Variants in RNLS observed in about 807,000 individuals in gnomAD.
The protein encoded by RNLS is renalase, FAD dependent amine oxidase.
A neutral mutation model predicts 39.8 loss-of-function variants in RNLS; 39 were observed. The ratio of observed to expected loss-of-function variants is 0.98; its 90% CI spans 0.76 to 1.28. The LOEUF (loss-of-function observed/expected upper bound fraction) is 1.28. Ranked by LOEUF, RNLS falls within the 50% of genes most tolerant of loss-of-function variation. The pLI is 0.00. For missense variants in RNLS, 410 were observed against 413.3 expected, an observed-to-expected ratio of 0.99 and a Z score of 0.07; for synonymous variants, 147 against 150.7, an observed-to-expected ratio of 0.98 and a Z score of 0.18.
At chr10:88,478,724 C>T (rs904950947) in intron 4 of RNLS, among the ~76,000 whole-genome samples, 1 of 152,150 alleles carries the variant, frequency 6.6e-6, no homozygotes, top group Non-Finnish European at 1.5e-5. Context: ...ATACTCTGTA[C>T]CATTTTCTGG....
At chr10:88,443,994 T>G (rs189539182) in intron 4 of RNLS, among the ~76,000 whole-genome samples, 130 of 152,294 alleles carry the variant, frequency 8.5e-4, no homozygotes, top group African/African-American at 2.9e-3. Flanking sequence ...AGAATGGAGT[T>G]TGAGATGTGA....
chr10:88,187,186 TA>T, the RNLS span, among the ~76,000 whole-genome samples: 1,079 of 10,734 alleles, frequency 0.1, 47 homozygotes, highest in African/African-American at 0.26. Flanking sequence ...ATAATATATA[TA>T]ATATATATAA....
chr10:88,396,684 G>A, intron 4 of RNLS, among the ~76,000 whole-genome samples: 1 of 135,736 alleles, frequency 7.4e-6, no homozygotes. Flanking sequence ...CTGATTTAAG[G>A]CTTAGTTTGG....
chr10:88,482,174 T>C (rs1482307859), intron 4 of RNLS, among the ~76,000 whole-genome samples: 1 of 152,188 alleles, frequency 6.6e-6, no homozygotes, highest in Non-Finnish European at 1.5e-5. Context: ...GGGTTTCTTG[T>C]ATCTGTAATG....
chr10:88,564,614 C>T (rs1849393930), intron 4 of RNLS, among the ~76,000 whole-genome samples: 1 of 152,068 alleles, frequency 6.6e-6, no homozygotes, highest in Non-Finnish European at 1.5e-5. Context: ...GCTCTGGAGT[C>T]ATTTTACTGA....
chr10:88,242,987 G>T, the RNLS span, among the ~76,000 whole-genome samples: 2 of 150,326 alleles, frequency 1.3e-5, no homozygotes, highest in Non-Finnish European at 2.9e-5. Context: ...ACCCATAAGG[G>T]AGTGAGGAAA....
intron 3 of RNLS, among the ~76,000 whole-genome samples, chr10:88,575,511 C>T (rs1246862870): frequency 6.6e-6 from 1 of 151,800 alleles, no homozygotes; most frequent in Non-Finnish European, 1.5e-5. Flanking sequence ...ACACCACTGG[C>T]AAAACCACCC....
intron 4 of RNLS, among the ~76,000 whole-genome samples, chr10:88,571,016 C>G (rs1849798094): frequency 7.1e-6 from 1 of 141,338 alleles, no homozygotes; most frequent in African/African-American, 2.6e-5. Context: ...CAAGGTCTTG[C>G]TCTGTCACCC....
At chr10:88,382,627 T>A (rs991232164) in intron 4 of RNLS, among the ~76,000 whole-genome samples, 2 of 152,106 alleles carry the variant, frequency 1.3e-5, no homozygotes, top group Non-Finnish European at 2.9e-5. Flanking sequence ...TATTAGCTTT[T>A]TGGTGAGAAC....
At chr10:88,334,339 CTCTT>C (rs1847330147) in intron 5 of RNLS, among the ~76,000 whole-genome samples, 1 of 152,192 alleles carries the variant, frequency 6.6e-6, no homozygotes, top group Admixed American at 6.5e-5. Flanking sequence ...AATTTGTAAA[CTCTT>C]TCCCAAAGAT....
At chr10:88,223,838 C>T in the RNLS span, among the ~76,000 whole-genome samples, 1 of 152,080 alleles carries the variant, frequency 6.6e-6, no homozygotes, top group Non-Finnish European at 1.5e-5. Context: ...CCCAACTCTC[C>T]TTATGCTGTG....
chr10:88,424,871 G>T lies in RNLS; in HGVS notation c.527-62146C>A, dbSNP rs931080863. 1.1e-4 allele frequency among the ~76,000 whole-genome samples: 17 copies of T among 152,218 alleles called. No individual in the cohort carries two copies. The East Asian group carries it at 2.5e-3, about 22-fold the overall frequency. ...GTCCTTGGCACAAGATCTTTGTGCT[G>T]CTCTGAGATTTGGAGCAACGTTTGG... is the stretch of plus-strand genomic sequence containing the variant. On this transcript the variant is annotated intron_variant, in intron 4 of 6. Transcript: ENST00000331772.
chr10:88,497,087 A>AG (rs1412302339), intron 4 of RNLS, among the ~76,000 whole-genome samples: 34 of 152,268 alleles, frequency 2.2e-4, no homozygotes, highest in African/African-American at 7.7e-4. Context: ...CATCAGAGGT[A>AG]GGGTCAGACA....
At chr10:88,468,405 G>A (rs2488271) in intron 4 of RNLS, among the ~76,000 whole-genome samples, 73,307 of 151,874 alleles carry the variant, frequency 0.48, 18,526 homozygotes, top group East Asian at 0.58. Context: ...TCAGTTATCC[G>A]GTAACCTAAC....
intron 5 of RNLS, among the ~76,000 whole-genome samples, chr10:88,323,248 A>G (rs1201327318): frequency 6.6e-6 from 1 of 152,188 alleles, no homozygotes; most frequent in Non-Finnish European, 1.5e-5. Context: ...CTACCAAATT[A>G]CCTACATCAT....
At chr10:88,263,937 G>A in the RNLS span, among the ~76,000 whole-genome samples, 3 of 152,124 alleles carry the variant, frequency 2.0e-5, no homozygotes, top group Admixed American at 6.5e-5. Flanking sequence ...AGTATACACT[G>A]TACCCAATGT....
In RNLS at chr10:88,284,590, C is replaced by T; in HGVS notation, c.*764G>A. 1.0e-6 allele frequency: 1 copy of T among 985,082 alleles called. No individual in the cohort carries two copies. Among genetic ancestry groups the T allele is most frequent in the Non-Finnish European group, 1.2e-6 (1 of 829,754 alleles). 61.0% of individuals were successfully genotyped at this position (985,082 alleles called of 1,614,324 possible). On this transcript the variant is annotated 3_prime_UTR_variant, in exon 7 of 7. Coordinates refer to ENST00000331772, the MANE Select transcript of RNLS (RefSeq NM_001031709.3). ...AATGCCACAGCACATACTGGAGAAC[C>T]CATAAAGTAACAGCAACAGCTATAA... is the stretch of plus-strand genomic sequence containing the variant.
chr10:88,473,608 C>T (rs980841903), intron 4 of RNLS, among the ~76,000 whole-genome samples: 20 of 152,084 alleles, frequency 1.3e-4, no homozygotes, highest in Admixed American at 2.0e-4. Context: ...CCCATGACTG[C>T]TACAAAAAAT....
chr10:88,182,909 G>A, the RNLS span, among the ~76,000 whole-genome samples: 1 of 152,058 alleles, frequency 6.6e-6, no homozygotes, highest in African/African-American at 2.4e-5. Context: ...CAGATTGGGA[G>A]TTAGACAGAC....
Sources: gnomAD v4.1 joint callset for allele counts (sites outside exome capture counted in the v4.1 genomes callset) on GRCh38, gnomAD v4.1.1 for gene constraint, MANE v1.5 for transcripts, NCBI Gene and HGNC (gene_info 2026-07-23, HGNC 2026-07-21) for gene names.